PIK3CB: variants seen among roughly 807,000 people sequenced by gnomAD.
PIK3CB encodes phosphatidylinositol-4,5-bisphosphate 3-kinase catalytic subunit beta, also known as phosphatidylinositol 4,5-bisphosphate 3-kinase catalytic subunit beta isoform.
A neutral mutation model predicts 136.8 loss-of-function variants in PIK3CB; 39 were observed. The ratio of observed to expected loss-of-function variants is 0.29; its 90% CI spans 0.22 to 0.37. The LOEUF (loss-of-function observed/expected upper bound fraction) is 0.37. Ranked by LOEUF, PIK3CB falls within the 10% of genes least tolerant of loss-of-function variation. The pLI, the probability that PIK3CB is intolerant of heterozygous loss-of-function variation, is 1.00. For missense variants in PIK3CB, 868 were observed against 1,275.4 expected (o/e 0.68, Z 4.87); for synonymous variants, 428 against 436.6 (o/e 0.98, Z 0.25).
At chr3:138,728,328 AG>A (rs2044886331) in intron 8 of PIK3CB, among the ~76,000 whole-genome samples, 1 of 152,242 alleles carries the variant, frequency 6.6e-6, no homozygotes, top group Admixed American at 6.5e-5. Flanking sequence ...TTACAAGTCA[AG>A]AACACACCAA....
chr3:138,793,806 G>A (rs1295422444), intron 2 of PIK3CB, among the ~76,000 whole-genome samples: 3 of 152,068 alleles, frequency 2.0e-5, no homozygotes, highest in Non-Finnish European at 2.9e-5. Context: ...GATCGCTTAA[G>A]GCTAGGAGTT....
intron 1 of PIK3CB, among the ~76,000 whole-genome samples, chr3:138,811,559 G>C (rs1463320075): frequency 6.6e-6 from 1 of 151,580 alleles, no homozygotes; most frequent in Non-Finnish European, 1.5e-5. Context: ...CTGAGTAGCT[G>C]AGATTACAGG....
At chr3:138,690,715 A>AAC (rs201096525) in intron 15 of PIK3CB, among the ~76,000 whole-genome samples, 2 of 147,472 alleles carry the variant, frequency 1.4e-5, no homozygotes, top group African/African-American at 5.3e-5. Flanking sequence ...GCAGGTAGAA[A>AAC]ACACACACAA....
intron 1 of PIK3CB, among the ~76,000 whole-genome samples, chr3:138,823,532 G>A (rs1043606131): frequency 1.5e-4 from 23 of 151,828 alleles, no homozygotes; most frequent in Admixed American, 1.2e-3. Context: ...GTGAAACCTC[G>A]TCTCTACTAA....
chr3:138,799,489 T>G (rs2046147873), intron 1 of PIK3CB, among the ~76,000 whole-genome samples: 1 of 152,102 alleles, frequency 6.6e-6, no homozygotes, highest in South Asian at 2.1e-4. Context: ...TCAACCAGAA[T>G]GTACCTTGTA....
intron 13 of PIK3CB, among the ~76,000 whole-genome samples, chr3:138,697,495 G>T (rs2044162937): frequency 6.6e-6 from 1 of 151,856 alleles, no homozygotes; most frequent in Admixed American, 6.6e-5. Flanking sequence ...GAATACAATG[G>T]CACAATCTTG....
chr3:138,779,388 C>CTTTTTTTT (rs753018315), intron 2 of PIK3CB, among the ~76,000 whole-genome samples: 1 of 112,038 alleles, frequency 8.9e-6, no homozygotes, highest in African/African-American at 3.4e-5. Context: ...GCCCGGCCTT[C>CTTTTTTTT]TTTTTTTTTT....
intron 4 of PIK3CB, among the ~76,000 whole-genome samples, chr3:138,743,120 C>G (rs2045277591): frequency 6.6e-6 from 1 of 151,902 alleles, no homozygotes; most frequent in Non-Finnish European, 1.5e-5. Flanking sequence ...ATTTACAAAC[C>G]AAGTATTAAT....
At chr3:138,834,327 C>T (rs1450941863) in intron 1 of PIK3CB, among the ~76,000 whole-genome samples, 1 of 152,230 alleles carries the variant, frequency 6.6e-6, no homozygotes, top group South Asian at 2.1e-4. Context: ...TCGGGAAGTT[C>T]CGGAGGTGTC....
chr3:138,727,573 G>C (rs184464670), intron 8 of PIK3CB, among the ~76,000 whole-genome samples: 17 of 152,332 alleles, frequency 1.1e-4, no homozygotes, highest in Non-Finnish European at 2.1e-4. Context: ...CCAACAACTT[G>C]AATCAGTTCA....
At chr3:138,825,776 T>C (rs1933759975) in intron 1 of PIK3CB, 1 of 797,088 alleles carries the variant, frequency 1.3e-6, no homozygotes, top group Non-Finnish European at 2.1e-6. Flanking sequence ...GGAATGGTGG[T>C]CACCTTTGCT....
chr3:138,696,233 A>G (rs1390797858), intron 13 of PIK3CB, among the ~76,000 whole-genome samples: 3 of 147,376 alleles, frequency 2.0e-5, no homozygotes, highest in Non-Finnish European at 4.5e-5. Flanking sequence ...TCCAGCCTGG[A>G]GTGCAGTGGC....
chr3:138,831,271 A>AAATTAAATTAAATTAAATT (rs1559896092), intron 1 of PIK3CB, among the ~76,000 whole-genome samples: 1 of 139,666 alleles, frequency 7.2e-6, no homozygotes, highest in African/African-American at 3.2e-5. Context: ...TAAATAAAAT[A>AAATTAAATTAAATTAAATT]AAATAAAATA....
intron 20 of PIK3CB, among the ~76,000 whole-genome samples, chr3:138,664,661 C>A (rs764339696): frequency 1.3e-5 from 2 of 152,164 alleles, no homozygotes; most frequent in African/African-American, 2.4e-5. Flanking sequence ...TAATTCCAAA[C>A]ATTGCATTTT....
intron 1 of PIK3CB, among the ~76,000 whole-genome samples, chr3:138,818,065 A>T (rs1933411931): frequency 1.3e-5 from 2 of 152,166 alleles, no homozygotes; most frequent in Non-Finnish European, 1.5e-5. Context: ...GGTGGGAGCT[A>T]TCGATAGCTT....
At chr3:138,762,868 G>A (rs2045680887) in intron 2 of PIK3CB, among the ~76,000 whole-genome samples, 2 of 152,050 alleles carry the variant, frequency 1.3e-5, no homozygotes, top group East Asian at 1.9e-4. Flanking sequence ...GCTGAGTCAG[G>A]AGAATTGCTT....
At chr3:138,684,852 A>G (rs756806134) in intron 16 of PIK3CB, 49 bp from the exon 17 acceptor site, 8 of 1,357,426 alleles carry the variant, frequency 5.9e-6, no homozygotes, top group South Asian at 3.7e-5. Context: ...TAAAAGTAAT[A>G]TAATATCATG....
chr3:138,715,246 A>G (rs2044583985), intron 8 of PIK3CB, among the ~76,000 whole-genome samples: 1 of 152,224 alleles, frequency 6.6e-6, no homozygotes, highest in African/African-American at 2.4e-5. Context: ...ATTATCCTAT[A>G]TATCACGGTC....
At chr3:138,761,399 T>C (rs1559868033) in intron 2 of PIK3CB, among the ~76,000 whole-genome samples, 1 of 152,198 alleles carries the variant, frequency 6.6e-6, no homozygotes, top group African/African-American at 2.4e-5. Context: ...AAGAAGATGG[T>C]GGAAGGACTG....
Sources: gnomAD v4.1 joint callset for allele counts (sites outside exome capture counted in the v4.1 genomes callset) on GRCh38, gnomAD v4.1.1 for gene constraint, MANE v1.5 for transcripts, NCBI Gene and HGNC (gene_info 2026-07-23, HGNC 2026-07-21) for gene names.